The following SLC8A3 variants were observed in gnomAD, a reference collection of about 807,000 sequenced individuals.
SLC8A3 encodes solute carrier family 8 member A3.
A neutral mutation model predicts 65.4 loss-of-function variants in SLC8A3; 37 were observed. The ratio of observed to expected loss-of-function variants is 0.57; its 90% CI spans 0.44 to 0.74. The LOEUF (loss-of-function observed/expected upper bound fraction) is 0.74. Among genes scored for constraint, SLC8A3 ranks in the 30% least tolerant of loss-of-function variants. The probability of loss-of-function intolerance (pLI) is 0.00; values close to 1 mark genes in which losing one functional copy is unlikely to be tolerated. For missense variants in SLC8A3, 1,112 were observed against 1,172.1 expected (o/e 0.95, Z 0.75); for synonymous variants, 461 against 444.5 (o/e 1.04, Z -0.47).
chr14:70,133,360 C>A (rs902881361), intron 2 of SLC8A3, among the ~76,000 whole-genome samples: 3 of 152,134 alleles, frequency 2.0e-5, no homozygotes, highest in African/African-American at 7.2e-5. Flanking sequence ...GGTGGTCAGT[C>A]CACAGGCAGT....
chr14:70,165,702 T>C (rs1244140264), intron 2 of SLC8A3, among the ~76,000 whole-genome samples: 1 of 152,114 alleles, frequency 6.6e-6, no homozygotes, highest in African/African-American at 2.4e-5. Flanking sequence ...AATAACCAAT[T>C]TGCAAGAGGG....
At chr14:70,129,993 T>G (rs575983233) in intron 2 of SLC8A3, among the ~76,000 whole-genome samples, 1 of 152,346 alleles carries the variant, frequency 6.6e-6, no homozygotes, top group African/African-American at 2.4e-5. Flanking sequence ...TAGGGCAAAT[T>G]TCTTCCATAG....
intron 2 of SLC8A3, among the ~76,000 whole-genome samples, chr14:70,119,076 T>C (rs1021455615): frequency 2.6e-5 from 4 of 152,164 alleles, no homozygotes; most frequent in Admixed American, 1.3e-4. Flanking sequence ...CCTACAGCTT[T>C]ACTCTTTCAT....
At chr14:70,151,510 C>T (rs973745002) in intron 2 of SLC8A3, among the ~76,000 whole-genome samples, 1 of 62,590 alleles carries the variant, frequency 1.6e-5, no homozygotes, top group Non-Finnish European at 3.1e-5. Context: ...AGCTGTGGGT[C>T]AGCGTCCTGA....
chr14:70,076,039 C>T (rs905923532), intron 2 of SLC8A3, among the ~76,000 whole-genome samples: 6 of 152,120 alleles, frequency 3.9e-5, no homozygotes, highest in African/African-American at 1.4e-4. Flanking sequence ...GACCTTGATG[C>T]CCCCACTCCC....
intron 2 of SLC8A3, among the ~76,000 whole-genome samples, chr14:70,134,871 C>G (rs1023119935): frequency 7.2e-5 from 11 of 152,134 alleles, no homozygotes; most frequent in Admixed American, 1.3e-4. Context: ...AGTCCTAAAC[C>G]CTTGTACCTC....
chr14:70,070,508 A>G (rs1389036209), intron 2 of SLC8A3, among the ~76,000 whole-genome samples: 1 of 152,188 alleles, frequency 6.6e-6, no homozygotes, highest in Non-Finnish European at 1.5e-5. Flanking sequence ...TTTTGCATCT[A>G]ACTATTGATT....
chr14:70,106,551 G>A (rs964984402), intron 2 of SLC8A3, among the ~76,000 whole-genome samples: 1 of 152,058 alleles, frequency 6.6e-6, no homozygotes, highest in South Asian at 2.1e-4. Context: ...ATGGTGTCAG[G>A]TTGCTGCTGC....
rs1209535879 is a variant in SLC8A3, at chr14:70,167,603, T to G, written c.820A>C (p.Ile274Leu). Residue 274 changes from isoleucine (I) to leucine (L), a missense_variant, in exon 2 of 7, where the codon ATC becomes CTC. Physicochemically the swap from Ile to Leu is conservative, Grantham distance 5. Coordinates refer to ENST00000356921, the MANE Select transcript of SLC8A3 (RefSeq NM_182932.3). ...GGGTGGTCACCCTCTGTCTCTATGATAATTCCTCGGTGTTTGTCTGTGCGG... is the reference window on the plus strand; with the variant it reads ...GGGTGGTCACCCTCTGTCTCTATGAGAATTCCTCGGTGTTTGTCTGTGCGG... ...KYRTDKHRGI[I>L]IETEGDHPKG... 1 of 1,614,178 alleles carries G rather than the reference T, an allele frequency of 6.2e-7. No individual in the cohort carries two copies. The highest frequency in any genetic ancestry group is 8.5e-7 in the Non-Finnish European group (1 of 1,180,022).
At chr14:70,156,695 T>C (rs1206374233) in intron 2 of SLC8A3, among the ~76,000 whole-genome samples, 4 of 151,640 alleles carry the variant, frequency 2.6e-5, no homozygotes, top group African/African-American at 9.7e-5. Flanking sequence ...GCTCCTAGGA[T>C]AAAGAGGGGG....
rs184177900 is a variant in SLC8A3, at chr14:70,053,173, G to A, written c.1889-1059C>T. On this transcript the variant is annotated intron_variant, in intron 3 of 6. Coordinates refer to ENST00000356921, the MANE Select transcript of SLC8A3 (RefSeq NM_182932.3). ...CAAACACAGAAGGCAATCCTAAAAT[G>A]TCTGGGAGCTGTCCGTGGTGCTGTC... 7.9e-5 allele frequency among the ~76,000 whole-genome samples: 12 copies of A among 152,352 alleles called. No individual in the cohort carries two copies. In the East Asian group the frequency reaches 1.9e-3, roughly 25 times the overall value.
chr14:70,144,503 G>A (rs548704629), intron 2 of SLC8A3, among the ~76,000 whole-genome samples: 35 of 151,592 alleles, frequency 2.3e-4, no homozygotes, highest in Non-Finnish European at 3.7e-4. Context: ...GGTGGCACAC[G>A]CCTGTAATCC....
intron 3 of SLC8A3, among the ~76,000 whole-genome samples, 167 bp from the exon 4 acceptor site, chr14:70,052,281 A>G (rs532714293): frequency 1.3e-5 from 2 of 152,354 alleles, no homozygotes; most frequent in Non-Finnish European, 2.9e-5. Flanking sequence ...AACACTTTAT[A>G]ACCAGACCAT....
chr14:70,158,159 G>T (rs1007790030), intron 2 of SLC8A3, among the ~76,000 whole-genome samples: 1 of 152,218 alleles, frequency 6.6e-6, no homozygotes, highest in African/African-American at 2.4e-5. Flanking sequence ...ATGCAGCAAA[G>T]AATGTTTAGA....
At chr14:70,147,760 TA>T (rs1181685553) in intron 2 of SLC8A3, among the ~76,000 whole-genome samples, 3 of 152,214 alleles carry the variant, frequency 2.0e-5, no homozygotes. Context: ...ATGCTTCAGA[TA>T]AGACAGCAGC....
Position 70,046,545 on chromosome 14 carries a change from G to A in SLC8A3, c.2390-222C>T, listed in dbSNP as rs893507444. 6.0e-6 allele frequency: 3 copies of A among 496,176 alleles called. No individual in the cohort carries two copies. The highest frequency in any genetic ancestry group is 1.9e-5 in the African/African-American group (1 of 52,870). The allele number at this position is 496,176 out of a possible 1,614,324, so 30.7% of individuals were successfully genotyped here. A position where few individuals can be genotyped will look rare whatever the true frequency, so the allele number is the denominator to read the frequency against. The stretch of plus-strand genomic sequence containing the variant: ...GGGCTTCCCATTCCTCATCTGCAGT[G>A]ATCTGAAAGATTCTGAAGGGCTTTC... On this transcript the variant is annotated intron_variant, in intron 6 of 6. Coordinates refer to ENST00000356921, the MANE Select transcript of SLC8A3 (RefSeq NM_182932.3). This position sits in a 1 kb window ranked among gnomAD's most constrained non-coding sequence, Gnocchi z 4.2.
intron 2 of SLC8A3, among the ~76,000 whole-genome samples, chr14:70,138,325 T>C (rs1895352049): frequency 6.6e-6 from 1 of 152,210 alleles, no homozygotes; most frequent in Non-Finnish European, 1.5e-5. Flanking sequence ...GCATCTTCAG[T>C]ACCTAGAAGA....
rs1174423816 is a variant in SLC8A3 at position 70,188,388 on chromosome 14, T to C, written c.-72A>G. 1.3e-5 allele frequency: 2 copies of C among 152,110 alleles called. No individual in the cohort carries two copies. Among genetic ancestry groups the C allele is most frequent in the African/African-American group, 4.8e-5 (2 of 41,420 alleles). 9.4% of individuals were successfully genotyped at this position (152,110 alleles called of 1,614,324 possible). A position where few individuals can be genotyped will look rare whatever the true frequency, so the allele number is the denominator to read the frequency against. ...TCACCCCATTACTCACCGTTTCCTC[T>C]CGGCCTCCCGAGCGGAGTGGGCAAG... On this transcript the variant is annotated 5_prime_UTR_variant, in exon 1 of 7. Transcript: ENST00000356921.
intron 2 of SLC8A3, among the ~76,000 whole-genome samples, chr14:70,144,851 G>A (rs140781632): frequency 1.7e-3 from 264 of 152,220 alleles, no homozygotes; most frequent in Non-Finnish European, 3.2e-3. Context: ...TTCCTAACAA[G>A]ACTGTGAACT....
Sources: allele counts gnomAD v4.1 joint callset (sites outside exome capture counted in the v4.1 genomes callset), GRCh38; gene constraint gnomAD v4.1.1; non-coding constraint Gnocchi (gnomAD v3.1); transcripts MANE v1.5; gene names NCBI Gene and HGNC (gene_info 2026-07-23, HGNC 2026-07-21).